Variants in DNAJB12 observed in about 807,000 individuals in gnomAD.
DNAJB12 encodes the protein dnaJ homolog subfamily B member 12.
DNAJB12 carries 14 observed loss-of-function variants against 40.6 expected under a neutral mutation model. The ratio of observed to expected loss-of-function variants is 0.34; its 90% confidence interval spans 0.23 to 0.54. The LOEUF (loss-of-function observed/expected upper bound fraction) is 0.54, where lower values mean the gene tolerates loss of function less well. Ranked by LOEUF, DNAJB12 falls within the 20% of genes least tolerant of loss-of-function variation. The pLI is 0.92. For missense variants in DNAJB12, 444 were observed against 501.7 expected (o/e 0.89, Z 1.10); for synonymous variants, 181 against 199.5 (o/e 0.91, Z 0.78).
chr10:72,342,970 C>A (rs1861678915), intron 3 of DNAJB12, among the ~76,000 whole-genome samples: 1 of 152,340 alleles, frequency 6.6e-6, no homozygotes, highest in Non-Finnish European at 1.5e-5. Flanking sequence ...GGCCCCCGAC[C>A]TGGGGCTACC....
chr10:72,343,073 A>C (rs1268463680), intron 3 of DNAJB12, among the ~76,000 whole-genome samples: 1 of 152,254 alleles, frequency 6.6e-6, no homozygotes, highest in African/African-American at 2.4e-5. Context: ...ATCACTGAGA[A>C]TCCTTGGAGA....
In DNAJB12 at chr10:72,343,477, C is replaced by G; in HGVS notation, c.346G>C (p.Gly116Arg). The change falls in exon 3 of 9, where the codon GGG becomes CGG. Residue 116 changes from glycine to arginine, a missense_variant. By Grantham distance (125) the Gly-to-Arg change is moderately radical. Transcript: ENST00000444643. The stretch of plus-strand genomic sequence containing the variant: ...TCATCCGAGGCCCCTCTGCTCACCC[C>G]CAGGATCTCATAGTAATCTTTACAT... ...KQCKDYYEIL[G>R]VSRGASDEDL... 1.2e-6 allele frequency: 2 copies of G among 1,614,192 alleles called. No individual in the cohort carries two copies. Among genetic ancestry groups the G allele is most frequent in the South Asian group, 1.1e-5 (1 of 91,084 alleles).
rs567240596 is a variant in DNAJB12, at chr10:72,335,583, G to A, written c.*30+197C>T. 59 of 1,366,832 alleles carry A rather than the reference G, an allele frequency of 4.3e-5. 1 individual carries two copies. The highest frequency in any genetic ancestry group is 2.8e-4 in the Middle Eastern group (1 of 3,540). The allele number at this position is 1,366,832 out of a possible 1,614,324, so 84.7% of individuals were successfully genotyped here. A position where few individuals can be genotyped will look rare whatever the true frequency, so the allele number is the denominator to read the frequency against. ...GCGGAGGAGTGGGGAGGACAGCATC[G>A]CTAGAGGGCGGAAACCGACCTTGGT... On this transcript the variant is annotated intron_variant, in intron 8 of 8. Transcript: ENST00000444643. This position sits in a 1 kb window ranked among gnomAD's most constrained non-coding sequence, Gnocchi z 4.4.
At position 72,335,343 on chromosome 10, in the gene DNAJB12, G is replaced by A. The variant is rs886741747; in HGVS notation, c.*30+437C>T. 9 of 990,800 alleles carry A rather than the reference G, an allele frequency of 9.1e-6. No homozygotes were observed. Among genetic ancestry groups the A allele is most frequent in the South Asian group, 9.0e-5 (2 of 22,316 alleles). 61.4% of individuals were successfully genotyped at this position (990,800 alleles called of 1,614,324 possible). A position where few individuals can be genotyped will look rare whatever the true frequency, so the allele number is the denominator to read the frequency against. On this transcript the variant is annotated intron_variant, in intron 8 of 8. Transcript: ENST00000444643. The surrounding 1 kb of genome is among the most constrained non-coding windows in gnomAD (Gnocchi z 4.4). ...TCCCACATGGTTCTTCCTGGTATCA[G>A]GCAGGCAGTGTGCATATGGGGCTCT...
chr10:72,346,790 A>G (rs1861800405), intron 1 of DNAJB12, among the ~76,000 whole-genome samples: 1 of 151,882 alleles, frequency 6.6e-6, no homozygotes, highest in Non-Finnish European at 1.5e-5. Context: ...TTTAATTGCT[A>G]TTTCTTTCAG....
At position 72,339,102 on chromosome 10, in the gene DNAJB12, C is replaced by CA. The variant is rs111352166; in HGVS notation, c.724-792dup. 7.3e-3 allele frequency among the ~76,000 whole-genome samples: 1,106 copies of CA among 151,772 alleles called. 15 individuals carry two copies. The highest frequency in any genetic ancestry group is 0.025 in the African/African-American group (1,048 of 41,352). ...ACAGCAAAGTAAGACCCTATCTCTACAAAAAATACAAAAAATTAGCTGGGT... is the reference window on the plus strand; with the variant it reads ...ACAGCAAAGTAAGACCCTATCTCTACAAAAAAATACAAAAAATTAGCTGGGT... On this transcript the variant is annotated intron_variant, in intron 5 of 8. Transcript: ENST00000444643.
intron 8 of DNAJB12, chr10:72,334,958 C>A: frequency 8.7e-7 from 1 of 1,148,086 alleles, no homozygotes; most frequent in African/African-American, 1.6e-5. Flanking sequence ...CAGAGCCCAG[C>A]GCCCCCATTC....
At chr10:72,343,553 GTC>G in intron 2 of DNAJB12, 42 bp from the exon 3 acceptor site, 1 of 1,609,160 alleles carries the variant, frequency 6.2e-7, no homozygotes, top group African/African-American at 1.3e-5. Flanking sequence ...CTCTACATGG[GTC>G]TGTGTGAGGG....
At position 72,333,587 on chromosome 10, in the gene DNAJB12, G is replaced by C. The variant is rs1479755204; in HGVS notation, c.*1061C>G. 2 of 152,726 alleles carry C rather than the reference G, an allele frequency of 1.3e-5. No individual in the cohort carries two copies. Among genetic ancestry groups the C allele is most frequent in the African/African-American group, 4.8e-5 (2 of 41,454 alleles). 9.5% of individuals were successfully genotyped at this position (152,726 alleles called of 1,614,324 possible). On this transcript the variant is annotated 3_prime_UTR_variant, in exon 9 of 9. Transcript: ENST00000444643. ...TCTGAAGTCCTTGGTGCATGACTTA[G>C]GAAAAACCAGTGGCAATGATGGAGC...
intron 1 of DNAJB12, 89 bp from the exon 2 acceptor site, chr10:72,345,216 C>T (rs947388565): frequency 6.7e-7 from 1 of 1,494,238 alleles, no homozygotes. Context: ...CTCACTTCCC[C>T]TCCCAGCAAA....
intron 1 of DNAJB12, among the ~76,000 whole-genome samples, chr10:72,350,893 AC>A (rs1861919160): frequency 6.6e-6 from 1 of 152,112 alleles, no homozygotes; most frequent in Non-Finnish European, 1.5e-5. Context: ...GTACAACCCC[AC>A]CCCGGACCTC....
chr10:72,353,989 G>C (rs61081012), intron 1 of DNAJB12: 5 of 152,230 alleles, frequency 3.3e-5, no homozygotes, highest in Non-Finnish European at 1.5e-5. Context: ...GAGGTGATGA[G>C]TTGTAAAGCC....
At chr10:72,339,425 G>A (rs1471893638) in intron 5 of DNAJB12, among the ~76,000 whole-genome samples, 2 of 151,814 alleles carry the variant, frequency 1.3e-5, no homozygotes, top group Middle Eastern at 3.4e-3. Context: ...TCCCAGCTAC[G>A]TAGGAGCCTG....
At chr10:72,340,897 C>G (rs369170380) in intron 4 of DNAJB12, 29 bp from the exon 5 acceptor site, 2 of 1,612,186 alleles carry the variant, frequency 1.2e-6, no homozygotes, top group Non-Finnish European at 8.5e-7. Flanking sequence ...GAGTCAGGAG[C>G]CAGGTCTGTT....
chr10:72,346,494 T>G (rs1445275654), intron 1 of DNAJB12, among the ~76,000 whole-genome samples: 1 of 152,142 alleles, frequency 6.6e-6, no homozygotes, highest in African/African-American at 2.4e-5. Flanking sequence ...CCCAGCTAAT[T>G]TTTGTATTTT....
At chr10:72,354,670 A>G in intron 1 of DNAJB12, 95 bp downstream of exon 1, 10 of 1,153,584 alleles carry the variant, frequency 8.7e-6, no homozygotes, top group Non-Finnish European at 1.2e-5. Context: ...GCGCCTCGCC[A>G]CCCCTCCCCC....
At chr10:72,336,816 A>C in intron 6 of DNAJB12, 120 bp from the exon 7 acceptor site, 1 of 807,876 alleles carries the variant, frequency 1.2e-6, no homozygotes, top group Non-Finnish European at 1.9e-6. Flanking sequence ...TTCCCTCTCA[A>C]ACCAGAGCAG....
At position 72,340,849 on chromosome 10, in the gene DNAJB12, G is replaced by C; in HGVS notation, c.663C>G (p.Ser221Arg). ...GFPSSNVHVY[S>R]NGRMRYTYQQ... ...GGTAGGTATAGCGCATGCGGCCGTTGCTGTAGACGTGGACGTTACCTGGGG... is the reference window on the plus strand; with the variant it reads ...GGTAGGTATAGCGCATGCGGCCGTTCCTGTAGACGTGGACGTTACCTGGGG... The change falls in exon 5 of 9, where the codon AGC becomes AGG. Residue 221 changes from serine (S) to arginine (R), a missense_variant. By Grantham distance (110) the Ser-to-Arg change is moderately radical (BLOSUM62 -1). Coordinates refer to ENST00000444643, the MANE Select transcript of DNAJB12 (RefSeq NM_017626.7). The C allele has an allele frequency of 1.9e-6, 3 of 1,614,150 alleles. No homozygotes were observed. Among genetic ancestry groups the C allele is most frequent in the Non-Finnish European group, 2.5e-6 (3 of 1,179,994 alleles).
intron 1 of DNAJB12, among the ~76,000 whole-genome samples, chr10:72,348,775 C>G (rs1861862934): frequency 6.6e-6 from 1 of 152,222 alleles, no homozygotes. Context: ...TGGGGAGGAA[C>G]AATAGCAACA....
Sources: allele counts gnomAD v4.1 joint callset (sites outside exome capture counted in the v4.1 genomes callset), GRCh38; gene constraint gnomAD v4.1.1; non-coding constraint Gnocchi (gnomAD v3.1); transcripts MANE v1.5; gene names NCBI Gene and HGNC (gene_info 2026-07-23, HGNC 2026-07-21).